The following GRK4 variants were observed in gnomAD, a reference collection of about 807,000 sequenced individuals.
GRK4 encodes G protein-coupled receptor kinase 4.
GRK4 carries 73 observed loss-of-function variants against 77.9 expected under a neutral mutation model. The ratio of observed to expected loss-of-function variants is 0.94; its 90% CI spans 0.78 to 1.14. The LOEUF (loss-of-function observed/expected upper bound fraction) is 1.14, where lower values mean the gene tolerates loss of function less well. GRK4 is among the 50% of genes most tolerant of loss of function. The pLI is 0.00. For synonymous variants in GRK4, 257 were observed against 254.4 expected (o/e 1.01, Z -0.10); for missense variants, 729 against 700.2 (o/e 1.04, Z -0.46).
rs567865103 is a variant in GRK4, at chr4:2,986,709, C to T, written c.149-2018C>T. On this transcript the variant is annotated intron_variant, in intron 2 of 15. Coordinates refer to ENST00000398052, the MANE Select transcript of GRK4 (RefSeq NM_182982.3). ...AGTATTTTTATAGAGACAAATATAT[C>T]AGTCTTTTCCTGGTTAGCTTCTGAG... 79 of 195,578 alleles carry T rather than the reference C, an allele frequency of 4.0e-4. 1 individual carries two copies. The highest frequency in any genetic ancestry group is 2.5e-3 in the South Asian group (37 of 14,658). The allele number at this position is 195,578 out of a possible 1,614,324, so 12.1% of individuals were successfully genotyped here. A position where few individuals can be genotyped will look rare whatever the true frequency, so the allele number is the denominator to read the frequency against.
chr4:3,001,263 A>ATATATATGTG (rs1293371783), intron 4 of GRK4, among the ~76,000 whole-genome samples: 16 of 95,036 alleles, frequency 1.7e-4, no homozygotes, highest in African/African-American at 8.2e-4. Context: ...ATGTATATAT[A>ATATATATGTG]TGTGTGTATG....
At chr4:2,977,165 C>T (rs1721465782) in intron 1 of GRK4, among the ~76,000 whole-genome samples, 1 of 152,134 alleles carries the variant, frequency 6.6e-6, no homozygotes, top group Non-Finnish European at 1.5e-5. Context: ...GGTCTGTTTG[C>T]ACTTTTTTTT....
intron 1 of GRK4, chr4:2,970,987 C>T (rs1183496917): frequency 6.6e-6 from 1 of 152,040 alleles, no homozygotes; most frequent in East Asian, 1.9e-4. Flanking sequence ...TGTTCTTGAG[C>T]TTTATATTTT....
chr4:2,995,439 C>A (rs542158958), intron 4 of GRK4, among the ~76,000 whole-genome samples: 1 of 145,210 alleles, frequency 6.9e-6, no homozygotes, highest in Admixed American at 7.2e-5. Flanking sequence ...GAGGCCGAGG[C>A]GGGCAGATCA....
intron 2 of GRK4, among the ~76,000 whole-genome samples, chr4:2,985,165 C>T (rs919191035): frequency 4.6e-5 from 7 of 151,606 alleles, no homozygotes; most frequent in Admixed American, 1.3e-4. Flanking sequence ...GTAATCCCGG[C>T]ACTTTGGGAG....
At chr4:2,972,743 A>T (rs924652755) in intron 1 of GRK4, among the ~76,000 whole-genome samples, 7 of 151,086 alleles carry the variant, frequency 4.6e-5, no homozygotes, top group South Asian at 2.1e-4. Flanking sequence ...CTTTAAAAAA[A>T]TTTTTTTTTG....
intron 8 of GRK4, among the ~76,000 whole-genome samples, chr4:3,017,529 G>A (rs553902043): frequency 6.6e-6 from 1 of 152,320 alleles, no homozygotes; most frequent in South Asian, 2.1e-4. Flanking sequence ...ATATTCACAA[G>A]AGGAGAGAAA....
intron 7 of GRK4, 34 bp from the exon 8 acceptor site, chr4:3,013,654 A>G (rs1470995718): frequency 3.8e-6 from 6 of 1,585,358 alleles, no homozygotes; most frequent in Non-Finnish European, 5.1e-6. Flanking sequence ...TGCCAGGTGG[A>G]CATAAACCTC....
intron 2 of GRK4, chr4:2,987,111 A>T: frequency 1.9e-6 from 1 of 517,962 alleles, no homozygotes; most frequent in Non-Finnish European, 3.9e-6. Context: ...GCCACTCCTG[A>T]CTCCTTCCTG....
intron 3 of GRK4, among the ~76,000 whole-genome samples, chr4:2,991,200 G>C (rs1438284840): frequency 1.3e-5 from 2 of 152,168 alleles, no homozygotes; most frequent in Non-Finnish European, 2.9e-5. Flanking sequence ...CCAGTAATGG[G>C]CTGAAGCTGC....
chr4:3,011,637 G>A (rs376740604), intron 7 of GRK4, among the ~76,000 whole-genome samples: 46 of 152,314 alleles, frequency 3.0e-4, no homozygotes, highest in African/African-American at 7.9e-4. Flanking sequence ...CCCCTACTCT[G>A]AATGCCTGTC....
At chr4:2,999,233 G>T (rs1332935880) in intron 4 of GRK4, among the ~76,000 whole-genome samples, 2 of 152,068 alleles carry the variant, frequency 1.3e-5, no homozygotes, top group Non-Finnish European at 2.9e-5. Context: ...AGAATACGAG[G>T]GTATGCACAC....
At chr4:2,976,835 C>G (rs967332382) in intron 1 of GRK4, among the ~76,000 whole-genome samples, 47 of 152,194 alleles carry the variant, frequency 3.1e-4, no homozygotes, top group African/African-American at 1.0e-3. Context: ...TACAGGGTTC[C>G]TCCATGTTGG....
chr4:2,973,707 CA>C (rs1473898983), intron 1 of GRK4, among the ~76,000 whole-genome samples: 5 of 152,228 alleles, frequency 3.3e-5, no homozygotes, highest in Admixed American at 6.5e-5. Flanking sequence ...GTCAGCGTCT[CA>C]CCTGGAACAC....
intron 1 of GRK4, among the ~76,000 whole-genome samples, chr4:2,984,045 C>G (rs1008810686): frequency 6.6e-6 from 1 of 152,146 alleles, no homozygotes; most frequent in Non-Finnish European, 1.5e-5. Context: ...CCTCCCTCGA[C>G]ATGTGGGTAT....
At chr4:3,027,292 C>T (rs1396323720) in intron 10 of GRK4, among the ~76,000 whole-genome samples, 4 of 152,320 alleles carry the variant, frequency 2.6e-5, no homozygotes, top group South Asian at 2.1e-4. Flanking sequence ...AGTAATCCTC[C>T]GACCTTGGCC....
rs75194026 is a variant in GRK4 at position 3,024,503 on chromosome 4, C to A, written c.970+2052C>A. ...TTTGACCTCCAGGGCTGTAGCGATC[C>A]GCCTTGCCTCAGCCTCCTGAGTAGC... On this transcript the variant is annotated intron_variant, in intron 10 of 15. Transcript: ENST00000398052. Among the ~76,000 whole-genome samples, 68 of 152,300 alleles carry A rather than the reference C, an allele frequency of 4.5e-4. 1 individual carries two copies. The East Asian group carries it at 0.013, about 29-fold the overall frequency.
chr4:3,036,801 G>A (rs1353385017), intron 13 of GRK4, among the ~76,000 whole-genome samples: 3 of 152,176 alleles, frequency 2.0e-5, no homozygotes, highest in African/African-American at 7.2e-5. Flanking sequence ...GATGGGAAGT[G>A]GGAGCTGCTG....
At chr4:3,035,069 C>T (rs1220950472) in intron 12 of GRK4, among the ~76,000 whole-genome samples, 1 of 151,818 alleles carries the variant, frequency 6.6e-6, no homozygotes, top group East Asian at 1.9e-4. Context: ...CACGGTGAAA[C>T]CCCGTCTCCA....
Sources: gnomAD v4.1 joint callset for allele counts (sites outside exome capture counted in the v4.1 genomes callset) on GRCh38, gnomAD v4.1.1 for gene constraint, MANE v1.5 for transcripts, NCBI Gene and HGNC (gene_info 2026-07-23, HGNC 2026-07-21) for gene names.